The following GRID2 variants were observed in gnomAD, a reference collection of about 807,000 sequenced individuals.
The protein encoded by GRID2 is glutamate ionotropic receptor delta type subunit 2.
In GRID2, 33 loss-of-function variants were observed where a neutral mutation model predicts 114.8. The ratio of observed to expected loss-of-function variants is 0.29; its 90% confidence interval spans 0.22 to 0.38. The LOEUF is 0.38. Ranked by LOEUF, GRID2 falls within the 10% of genes least tolerant of loss-of-function variation. The pLI is 1.00. For synonymous variants in GRID2, 505 were observed against 449.9 expected (o/e 1.12, Z -1.55); for missense variants, 1,184 against 1,257.7 (o/e 0.94, Z 0.89).
At chr4:93,776,090 G>T (rs1734363341), downstream of GRID2, among the ~76,000 whole-genome samples, 1 of 152,182 alleles carries the variant, frequency 6.6e-6, no homozygotes, top group Non-Finnish European at 1.5e-5. Context: ...GCAGAGAAGA[G>T]ATTATGTGCT....
rs545653645 is a variant in GRID2 at position 93,622,980 on chromosome 4, G to A, written c.2194-3289G>A. Among the ~76,000 whole-genome samples the A allele has an allele frequency of 8.6e-5, 13 of 151,820 alleles. 1 individual carries two copies. The highest frequency in any genetic ancestry group is 3.4e-3 in the Middle Eastern group (1 of 292). ...AATTATATTTAATTTATTCCACTAC[G>A]GAAATTTATTTTGTGTGATGTGACA... is the stretch of plus-strand genomic sequence containing the variant. On this transcript the variant is annotated intron_variant, in intron 13 of 15. Transcript: ENST00000282020.
chr4:92,344,562 G>A (rs1027972943), intron 1 of GRID2, among the ~76,000 whole-genome samples: 3 of 152,190 alleles, frequency 2.0e-5, no homozygotes, highest in South Asian at 2.1e-4. Context: ...GCTCGACAGG[G>A]ACAACTATTC....
intron 2 of GRID2, among the ~76,000 whole-genome samples, chr4:92,944,224 C>A (rs898806345): frequency 1.3e-5 from 2 of 152,176 alleles, no homozygotes; most frequent in African/African-American, 4.8e-5. Flanking sequence ...CTGTGGTGGG[C>A]TCCACCCAAT....
intron 2 of GRID2, among the ~76,000 whole-genome samples, chr4:92,781,983 T>G (rs897056528): frequency 1.3e-5 from 2 of 152,104 alleles, no homozygotes; most frequent in Non-Finnish European, 2.9e-5. Context: ...TTATTGTTTT[T>G]ACTTTCGGTA....
chr4:93,035,340 CT>C (rs1370700102), intron 2 of GRID2, among the ~76,000 whole-genome samples: 1 of 152,038 alleles, frequency 6.6e-6, no homozygotes, highest in Non-Finnish European at 1.5e-5. Flanking sequence ...TCTTGAGCTC[CT>C]TGGCTCAAGT....
At chr4:92,921,440 T>A (rs528519209) in intron 2 of GRID2, among the ~76,000 whole-genome samples, 1 of 151,998 alleles carries the variant, frequency 6.6e-6, no homozygotes, top group Non-Finnish European at 1.5e-5. Flanking sequence ...TTTTAGAGTT[T>A]CCAGTTTTTC....
At chr4:93,219,743 GATCCATTTACTGCTTAGTGGAACTA>G (rs1388344019) in intron 6 of GRID2, among the ~76,000 whole-genome samples, 3 of 152,174 alleles carry the variant, frequency 2.0e-5, no homozygotes, top group Non-Finnish European at 4.4e-5. Flanking sequence ...AGCAGGAAGT[GATCCATTTACTGCTTAGTGGAACTA>G]ATGTTAGTTT....
intron 2 of GRID2, among the ~76,000 whole-genome samples, chr4:93,024,266 G>A (rs917288184): frequency 7.9e-5 from 12 of 151,488 alleles, no homozygotes; most frequent in Non-Finnish European, 3.0e-5. Flanking sequence ...AATCTTTCTC[G>A]GAGACAAATG....
intron 2 of GRID2, among the ~76,000 whole-genome samples, chr4:92,984,388 A>T (rs1055878968): frequency 1.3e-5 from 2 of 152,256 alleles, no homozygotes; most frequent in Non-Finnish European, 2.9e-5. Context: ...ATATCATTGC[A>T]GAAAGATATT....
At chr4:93,152,206 A>T (rs796447803) in intron 4 of GRID2, among the ~76,000 whole-genome samples, 28 of 152,302 alleles carry the variant, frequency 1.8e-4, no homozygotes, top group African/African-American at 6.7e-4. Context: ...AATCTCAAAG[A>T]TTAAACCGAA....
At chr4:92,458,018 A>T (rs1721301040) in intron 1 of GRID2, among the ~76,000 whole-genome samples, 1 of 152,202 alleles carries the variant, frequency 6.6e-6, no homozygotes, top group Non-Finnish European at 1.5e-5. Context: ...AAGTGATTAA[A>T]TCAGTCATGA....
At chr4:92,862,758 T>C (rs754407278) in intron 2 of GRID2, among the ~76,000 whole-genome samples, 21 of 152,184 alleles carry the variant, frequency 1.4e-4, no homozygotes, top group Admixed American at 4.6e-4. Context: ...TATAACTAAA[T>C]GTTCTAATGC....
chr4:92,746,193 G>T (rs368480313), intron 2 of GRID2, among the ~76,000 whole-genome samples: 2 of 152,012 alleles, frequency 1.3e-5, no homozygotes, highest in African/African-American at 4.8e-5. Flanking sequence ...TATGGTACCT[G>T]ATTAAATAGT....
rs373891256 is a variant in GRID2, at chr4:93,375,214, C to CTTTT, written c.1246-20379_1246-20376dup. On this transcript the variant is annotated intron_variant, in intron 8 of 15. Transcript: ENST00000282020. ...TCCATGGGAGTTTTTCTTTTTTTCCCTTTTTTTTTTTTTTTTTGAGACAGA... is the reference window on the plus strand; with the variant it reads ...TCCATGGGAGTTTTTCTTTTTTTCCCTTTTTTTTTTTTTTTTTTTTTGAGACAGA... 7.1e-3 allele frequency among the ~76,000 whole-genome samples: 963 copies of CTTTT among 135,312 alleles called. 12 individuals are homozygous for CTTTT. The highest frequency in any genetic ancestry group is 0.026 in the African/African-American group (913 of 35,508). 88.8% of individuals were successfully genotyped at this position (135,312 alleles called of 152,430 possible).
intron 14 of GRID2, among the ~76,000 whole-genome samples, chr4:93,679,061 C>G (rs914579870): frequency 1.3e-5 from 2 of 150,400 alleles, no homozygotes; most frequent in African/African-American, 5.0e-5. Context: ...CACATAGGCT[C>G]AAAATAAAAG....
chr4:93,804,425 C>G (rs1292025700), intron 1 of GRID2, among the ~76,000 whole-genome samples: 1 of 152,142 alleles, frequency 6.6e-6, no homozygotes, highest in Non-Finnish European at 1.5e-5. Flanking sequence ...CCAACCGGTA[C>G]AGCACGCCGC....
At chr4:92,616,387 T>A (rs922422265) in intron 2 of GRID2, among the ~76,000 whole-genome samples, 1 of 151,598 alleles carries the variant, frequency 6.6e-6, no homozygotes, top group African/African-American at 2.4e-5. Context: ...GTTACATTTC[T>A]CTTGTTTCCT....
chr4:93,432,761 G>A (rs1478301996), intron 10 of GRID2, among the ~76,000 whole-genome samples: 1 of 152,118 alleles, frequency 6.6e-6, no homozygotes, highest in Non-Finnish European at 1.5e-5. Flanking sequence ...TAATAATCAT[G>A]TATTGATATT....
Position 92,505,399 on chromosome 4 carries a change from T to C in GRID2, c.89-84732T>C, listed in dbSNP as rs181618790. Reference sequence around the variant, plus strand: ...GCTCCTAAATTATAATATAGATCTTTTCCCTATTTTTCTTCTTTCTTCCTT... The same window carrying C: ...GCTCCTAAATTATAATATAGATCTTCTCCCTATTTTTCTTCTTTCTTCCTT... On this transcript the variant is annotated intron_variant, in intron 1 of 15. Transcript: ENST00000282020. 3.2e-3 allele frequency among the ~76,000 whole-genome samples: 492 copies of C among 152,192 alleles called. 6 individuals carry two copies. Among genetic ancestry groups the C allele is most frequent in the African/African-American group, 0.011 (472 of 41,568 alleles).
Sources: gnomAD v4.1 joint callset for allele counts (sites outside exome capture counted in the v4.1 genomes callset) on GRCh38, gnomAD v4.1.1 for gene constraint, MANE v1.5 for transcripts, NCBI Gene and HGNC (gene_info 2026-07-23, HGNC 2026-07-21) for gene names.